RIOK2: variants seen among roughly 807,000 people sequenced by gnomAD.
RIOK2 encodes the protein serine/threonine-protein kinase RIO2.
Under a neutral mutation model 62.4 loss-of-function variants are expected in RIOK2, and 46 were observed. The ratio of observed to expected loss-of-function variants is 0.74; its 90% CI spans 0.58 to 0.94. The LOEUF (loss-of-function observed/expected upper bound fraction) is 0.94. Among genes scored for constraint, RIOK2 ranks in the 40% least tolerant of loss-of-function variants. The pLI is 0.00. For synonymous variants in RIOK2, 197 were observed against 216.0 expected, an observed-to-expected ratio of 0.91 and a Z score of 0.77; for missense variants, 574 against 658.0, an observed-to-expected ratio of 0.87 and a Z score of 1.40.
intron 9 of RIOK2, among the ~76,000 whole-genome samples, chr5:97,164,137 C>G (rs1215100590): frequency 6.6e-6 from 1 of 151,970 alleles, no homozygotes; most frequent in Non-Finnish European, 1.5e-5. Context: ...AGCGATCCTT[C>G]CACCTTGGCC....
intron 9 of RIOK2, 68 bp downstream of exon 9, chr5:97,164,983 T>G (rs1378676360): frequency 1.9e-6 from 2 of 1,035,402 alleles, no homozygotes; most frequent in Admixed American, 2.3e-5. Context: ...TATTGTTTAA[T>G]GAGACAAGGC....
At chr5:97,167,169 G>T (rs1748866211) in intron 8 of RIOK2, 1 of 1,172,520 alleles carries the variant, frequency 8.5e-7, no homozygotes, top group Non-Finnish European at 1.1e-6. Flanking sequence ...TGCCTGCCTT[G>T]GCCTCCCAGA....
At chr5:97,177,093 T>A (rs1459861427) in intron 4 of RIOK2, 23 bp downstream of exon 4, 1 of 1,596,818 alleles carries the variant, frequency 6.3e-7, no homozygotes, top group Non-Finnish European at 8.5e-7. Flanking sequence ...AAAAAATGCA[T>A]GACTACAAAA....
At chr5:97,180,148 A>ATATATATGTATATATGTG (rs1561522495) in intron 1 of RIOK2, among the ~76,000 whole-genome samples, 17 of 126,612 alleles carry the variant, frequency 1.3e-4, no homozygotes, top group African/African-American at 5.1e-4. Context: ...ATATGTATAT[A>ATATATATGTATATATGTG]TATATATATA....
chr5:97,167,459 G>A lies in RIOK2; in HGVS notation c.1397+8C>T, dbSNP rs1748874626. The stretch of plus-strand genomic sequence containing the variant: ...TAAAGTTAAAAAGCAATCGACAGAA[G>A]TCTATACCTGAAAGGCCTGAATTCT... On this transcript the variant is annotated splice_region_variant and intron_variant, in intron 8 of 9. Transcript: ENST00000283109. The A allele has an allele frequency of 1.2e-6, 2 of 1,612,564 alleles. No individual in the cohort carries two copies. Among genetic ancestry groups the A allele is most frequent in the Non-Finnish European group, 1.7e-6 (2 of 1,179,298 alleles).
At chr5:97,169,995 C>T (rs1748954425) in intron 6 of RIOK2, among the ~76,000 whole-genome samples, 1 of 152,118 alleles carries the variant, frequency 6.6e-6, no homozygotes, top group Admixed American at 6.5e-5. Flanking sequence ...TTGTTGAAAA[C>T]GTTTTAAAAA....
intron 7 of RIOK2, 57 bp from the exon 8 acceptor site, chr5:97,168,048 G>A (rs1345297740): frequency 6.8e-7 from 1 of 1,476,024 alleles, no homozygotes; most frequent in East Asian, 2.3e-5. Flanking sequence ...TCTAAGAGGA[G>A]CAAATATCTA....
chr5:97,164,486 C>T (rs573293323), intron 9 of RIOK2, among the ~76,000 whole-genome samples: 17 of 151,536 alleles, frequency 1.1e-4, no homozygotes, highest in African/African-American at 1.7e-4. Context: ...GGATGACCTC[C>T]GGCCTGGATG....
chr5:97,180,785 G>C (rs1749385651), intron 1 of RIOK2, among the ~76,000 whole-genome samples: 1 of 152,054 alleles, frequency 6.6e-6, no homozygotes, highest in Non-Finnish European at 1.5e-5. Flanking sequence ...AAAATCTTTA[G>C]GAAGTATTAT....
chr5:97,162,961 A>G lies in RIOK2; in HGVS notation c.*100T>C. 1 of 973,032 alleles carries G rather than the reference A, an allele frequency of 1.0e-6. No individual in the cohort carries two copies. Among genetic ancestry groups the G allele is most frequent in the East Asian group, 2.6e-5 (1 of 37,966 alleles). The allele number at this position is 973,032 out of a possible 1,614,324, so 60.3% of individuals were successfully genotyped here. On this transcript the variant is annotated 3_prime_UTR_variant, in exon 10 of 10. Coordinates refer to ENST00000283109, the MANE Select transcript of RIOK2 (RefSeq NM_018343.3). ...TAGATGAAAGAGGGTTTATTTATTA[A>G]TATATGATAGCCTTGGCTCAAAAAA...
intron 6 of RIOK2, among the ~76,000 whole-genome samples, chr5:97,169,219 T>TCTGG (rs1452069545): frequency 1.3e-5 from 2 of 152,168 alleles, no homozygotes; most frequent in African/African-American, 4.8e-5. Flanking sequence ...TCGTCCTGAG[T>TCTGG]CTGGCTATGC....
intron 9 of RIOK2, 118 bp from the exon 10 acceptor site, chr5:97,163,343 G>T (rs899562564): frequency 1.3e-6 from 1 of 798,648 alleles, no homozygotes; most frequent in Admixed American, 2.8e-5. Context: ...AACACTGACA[G>T]TACTATATAG....
chr5:97,168,988 A>G, intron 6 of RIOK2, 136 bp from the exon 7 acceptor site: 1 of 513,908 alleles, frequency 1.9e-6, no homozygotes, highest in South Asian at 3.8e-5. Flanking sequence ...CACAAAAGAA[A>G]AAAGATACAA....
At chr5:97,168,692 A>T in intron 7 of RIOK2, 68 bp downstream of exon 7, 1 of 990,582 alleles carries the variant, frequency 1.0e-6, no homozygotes, top group Non-Finnish European at 1.4e-6. Flanking sequence ...TGAAAATGTT[A>T]ATTTTTAGAA....
intron 5 of RIOK2, 83 bp from the exon 6 acceptor site, chr5:97,171,480 T>C (rs975477682): frequency 2.2e-6 from 2 of 910,596 alleles, no homozygotes; most frequent in South Asian, 3.0e-5. Context: ...TGAACATATA[T>C]ATTATTTCCA....
intron 6 of RIOK2, among the ~76,000 whole-genome samples, chr5:97,169,565 C>T (rs924076354): frequency 2.6e-5 from 4 of 152,162 alleles, no homozygotes; most frequent in Non-Finnish European, 4.4e-5. Flanking sequence ...AATTGACTCT[C>T]TTTGAGAAAG....
intron 2 of RIOK2, chr5:97,178,689 TCTACCTGCTCTTCTGCAGTACC>T (rs1749248420): frequency 3.9e-6 from 1 of 253,992 alleles, no homozygotes; most frequent in Non-Finnish European, 6.9e-6. Context: ...TCTGCAGTAC[TCTACCTGCTCTTCTGCAGTACC>T]TACGTGCTCT....
intron 4 of RIOK2, 51 bp downstream of exon 4, chr5:97,177,065 C>T (rs1749186513): frequency 6.7e-7 from 1 of 1,482,198 alleles, no homozygotes; most frequent in Non-Finnish European, 9.3e-7. Flanking sequence ...GCCTTTGAGA[C>T]ACATGTATTA....
chr5:97,168,812 T>C lies in RIOK2; in HGVS notation c.820A>G (p.Met274Val). 1 of 1,602,292 alleles carries C rather than the reference T, an allele frequency of 6.2e-7. No homozygotes were observed. Among genetic ancestry groups the C allele is most frequent in the Non-Finnish European group, 8.5e-7 (1 of 1,176,344 alleles). The change falls in exon 7 of 10, where the codon ATG becomes GTG. Residue 274 changes from methionine to valine, a missense_variant. Physicochemically the swap from Met to Val is conservative, Grantham distance 21. Coordinates refer to ENST00000283109, the MANE Select transcript of RIOK2 (RefSeq NM_018343.3). ...TCACTTTCGTAGCTGAAACGTTTCA[T>C]AAAGAAATCTTTAATGCATTTAACA... ...RDVKCIKDFF[M>V]KRFSYESELF...
Sources: gnomAD v4.1 joint callset for allele counts (sites outside exome capture counted in the v4.1 genomes callset) on GRCh38, gnomAD v4.1.1 for gene constraint, MANE v1.5 for transcripts, NCBI Gene and HGNC (gene_info 2026-07-23, HGNC 2026-07-21) for gene names.